Variants in UTP6 observed in about 807,000 individuals in gnomAD.
The protein encoded by UTP6 is U3 small nucleolar RNA-associated protein 6 homolog.
Under a neutral mutation model 96.5 loss-of-function variants are expected in UTP6, and 60 were observed. That is an observed-to-expected ratio of 0.62 (90% CI 0.51 to 0.77). The LOEUF (loss-of-function observed/expected upper bound fraction) is 0.77, where lower values mean the gene tolerates loss of function less well. Ranked by LOEUF, UTP6 falls within the 30% of genes least tolerant of loss-of-function variation. The probability of loss-of-function intolerance (pLI) is 0.00; values close to 1 mark genes in which losing one functional copy is unlikely to be tolerated. For synonymous variants in UTP6, 215 were observed against 240.1 expected, an observed-to-expected ratio of 0.90 and a Z score of 0.96; for missense variants, 637 against 706.5, an observed-to-expected ratio of 0.90 and a Z score of 1.12.
At chr17:31,888,297 G>A (rs1911268033) in intron 7 of UTP6, 1 of 152,158 alleles carries the variant, frequency 6.6e-6, no homozygotes, top group Non-Finnish European at 1.5e-5. Flanking sequence ...GCTAAATCTG[G>A]CTCCCAGCTA....
chr17:31,865,743 TTAAA>T (rs1458572039), intron 17 of UTP6, among the ~76,000 whole-genome samples: 1 of 152,224 alleles, frequency 6.6e-6, no homozygotes, highest in East Asian at 1.9e-4. Context: ...TGAGTGGGAA[TTAAA>T]TAAAGAAACA....
chr17:31,899,706 A>G lies in UTP6; in HGVS notation c.117T>C (p.Asp39=). 2 of 1,601,154 alleles carry G rather than the reference A, an allele frequency of 1.2e-6. No individual in the cohort carries two copies. Among genetic ancestry groups the G allele is most frequent in the East Asian group, 4.5e-5 (2 of 44,450 alleles). ...TTCTTCTCTGGATTTTGTACTCTAGATCGGAAGCCTTCTTAATGATAGCCC... is the reference window on the plus strand; with the variant it reads ...TTCTTCTCTGGATTTTGTACTCTAGGTCGGAAGCCTTCTTAATGATAGCCC... ...EIKAIIKKAS[D]LEYKIQRRTL... The change falls in exon 2 of 19, where the codon GAT becomes GAC. Residue 39 remains aspartate, a synonymous_variant. Coordinates refer to ENST00000261708, the MANE Select transcript of UTP6 (RefSeq NM_018428.3).
chr17:31,863,768 A>G (rs1428928556), intron 18 of UTP6, among the ~76,000 whole-genome samples: 1 of 152,096 alleles, frequency 6.6e-6, no homozygotes, highest in African/African-American at 2.4e-5. Context: ...AGTAGCGGGA[A>G]CATGGCTTAC....
intron 16 of UTP6, among the ~76,000 whole-genome samples, chr17:31,870,623 G>A (rs1910107472): frequency 2.0e-5 from 3 of 151,038 alleles, no homozygotes; most frequent in Non-Finnish European, 4.4e-5. Flanking sequence ...CCGGGTTCAT[G>A]CCATTCTCCT....
chr17:31,894,816 G>T, intron 3 of UTP6, 79 bp from the exon 4 acceptor site: 1 of 1,350,354 alleles, frequency 7.4e-7, no homozygotes, highest in East Asian at 2.4e-5. Flanking sequence ...ACCACTTAAT[G>T]GTACTGATGA....
rs1373019655 is a variant in UTP6, at chr17:31,880,652, T to A, written c.888A>T (p.Gln296His). ...TCCGGCCGACCTCCACTGCTTTGGCTTGTTTCGTTGTAGGCTGCTCTTCTG... is the reference window on the plus strand; with the variant it reads ...TCCGGCCGACCTCCACTGCTTTGGCATGTTTCGTTGTAGGCTGCTCTTCTG... ...SQTEEQPTTK[Q>H]AKAVEVGRKE... The change falls in exon 11 of 19, where the codon CAA (glutamine) becomes CAT (histidine). Residue 296 changes from glutamine to histidine, a missense_variant. By Grantham distance (24) the Gln-to-His change is conservative. Coordinates refer to ENST00000261708, the MANE Select transcript of UTP6 (RefSeq NM_018428.3). 4 of 1,614,180 alleles carry A rather than the reference T, an allele frequency of 2.5e-6. No homozygotes were observed. Among genetic ancestry groups the A allele is most frequent in the Non-Finnish European group, 3.4e-6 (4 of 1,180,024 alleles).
At chr17:31,896,155 G>A (rs1202435230) in intron 2 of UTP6, among the ~76,000 whole-genome samples, 1 of 151,606 alleles carries the variant, frequency 6.6e-6, no homozygotes, top group Admixed American at 6.6e-5. Flanking sequence ...TAGGCTCACT[G>A]CAACCTCCGC....
At chr17:31,888,394 A>G (rs578229958) in intron 7 of UTP6, among the ~76,000 whole-genome samples, 85 of 152,302 alleles carry the variant, frequency 5.6e-4, no homozygotes, top group Middle Eastern at 3.4e-3. Flanking sequence ...TAGAAGCTGC[A>G]GTGTCAACAC....
chr17:31,869,692 T>A (rs192467740), intron 16 of UTP6, among the ~76,000 whole-genome samples: 1 of 152,248 alleles, frequency 6.6e-6, no homozygotes, highest in African/African-American at 2.4e-5. Context: ...TATTTTAGAT[T>A]CAGGGGAGTA....
At chr17:31,865,853 T>G (rs1909780382) in intron 17 of UTP6, among the ~76,000 whole-genome samples, 3 of 152,146 alleles carry the variant, frequency 2.0e-5, no homozygotes, top group Admixed American at 2.0e-4. Context: ...TAAATACTAG[T>G]TATATGACCT....
At chr17:31,870,957 A>G (rs1910132409) in intron 16 of UTP6, among the ~76,000 whole-genome samples, 1 of 150,732 alleles carries the variant, frequency 6.6e-6, no homozygotes, top group Non-Finnish European at 1.5e-5. Context: ...CTAAAATCAC[A>G]GGCACATGCC....
intron 2 of UTP6, 125 bp from the exon 3 acceptor site, chr17:31,895,136 A>C (rs1205255410): frequency 1.4e-6 from 1 of 693,000 alleles, no homozygotes; most frequent in Non-Finnish European, 2.3e-6. Context: ...ATGTGCTATC[A>C]CATAATTTAC....
Position 31,887,284 on chromosome 17 carries a change from T to C in UTP6, c.573A>G (p.Glu191=), listed in dbSNP as rs115268338. 6.9e-4 allele frequency: 1,110 copies of C among 1,614,128 alleles called. 11 individuals carry two copies. The African/African-American group carries it at 0.013, about 19-fold the overall frequency. Residue 191 remains glutamate (E), a synonymous_variant, in exon 8 of 19, where the codon GAA becomes GAG. Coordinates refer to ENST00000261708, the MANE Select transcript of UTP6 (RefSeq NM_018428.3). ...EYFRMELMHA[E]KLRKEKEEFE... ...ATTCTTCCTTCTCCTTCCTCAGTTT[T>C]TCAGCATGCATCAGCTCCATCCTAA...
At chr17:31,896,689 T>C (rs1329968759) in intron 2 of UTP6, among the ~76,000 whole-genome samples, 1 of 151,456 alleles carries the variant, frequency 6.6e-6, no homozygotes, top group Non-Finnish European at 1.5e-5. Context: ...CAGACTGAAG[T>C]GCAATGGCGC....
chr17:31,901,072 G>C (rs755320123), intron 1 of UTP6, among the ~76,000 whole-genome samples: 2 of 152,140 alleles, frequency 1.3e-5, no homozygotes, highest in African/African-American at 2.4e-5. Context: ...CTCTGGAGTA[G>C]CATATGAAAC....
At chr17:31,877,107 A>G (rs1003702739) in intron 13 of UTP6, among the ~76,000 whole-genome samples, 12 of 152,240 alleles carry the variant, frequency 7.9e-5, no homozygotes, top group Non-Finnish European at 1.6e-4. Context: ...AGAGTTGGAC[A>G]TAACATAAAC....
chr17:31,870,414 T>G (rs1567777830), intron 16 of UTP6, among the ~76,000 whole-genome samples: 1 of 152,180 alleles, frequency 6.6e-6, no homozygotes, highest in Non-Finnish European at 1.5e-5. Flanking sequence ...TAAAAGTTAG[T>G]CATCTTGAAC....
chr17:31,890,892 C>A (rs944516907), intron 6 of UTP6, among the ~76,000 whole-genome samples: 2 of 151,766 alleles, frequency 1.3e-5, no homozygotes, highest in Admixed American at 1.3e-4. Context: ...AAGGCTGAGG[C>A]ATGAGAATCA....
chr17:31,897,615 T>C (rs748892996), intron 2 of UTP6, among the ~76,000 whole-genome samples: 20 of 151,796 alleles, frequency 1.3e-4, no homozygotes, highest in Non-Finnish European at 2.9e-4. Flanking sequence ...ACCCGGCTAA[T>C]TTTTGTATTT....
Sources: gnomAD v4.1 joint callset for allele counts (sites outside exome capture counted in the v4.1 genomes callset) on GRCh38, gnomAD v4.1.1 for gene constraint, MANE v1.5 for transcripts, NCBI Gene and HGNC (gene_info 2026-07-23, HGNC 2026-07-21) for gene names.